The following KLHDC4 variants were observed in gnomAD, a reference collection of about 807,000 sequenced individuals.
KLHDC4 encodes kelch domain containing 4.
Under a neutral mutation model 62.4 loss-of-function variants are expected in KLHDC4, and 90 were observed. The ratio of observed to expected loss-of-function variants is 1.44; its 90% CI spans 1.22 to 1.72. The LOEUF (loss-of-function observed/expected upper bound fraction) is 1.72, where lower values mean the gene tolerates loss of function less well. Among genes scored for constraint, KLHDC4 ranks in the 40% most tolerant of loss-of-function variants. The pLI, the probability that KLHDC4 is intolerant of heterozygous loss-of-function variation, is 0.00. For missense variants in KLHDC4, 1,025 were observed against 699.7 expected (o/e 1.47, Z -5.25); for synonymous variants, 386 against 284.4 (o/e 1.36, Z -3.59).
intron 2 of KLHDC4, among the ~76,000 whole-genome samples, chr16:87,758,591 A>G (rs1383785873): frequency 6.6e-6 from 1 of 152,168 alleles, no homozygotes; most frequent in East Asian, 1.9e-4. Flanking sequence ...CACTTCTCCC[A>G]TCTTTTGGCT....
intron 4 of KLHDC4, among the ~76,000 whole-genome samples, chr16:87,753,191 G>A (rs1025249118): frequency 3.3e-5 from 5 of 152,324 alleles, no homozygotes; most frequent in South Asian, 2.1e-4. Flanking sequence ...AAATCTGCAC[G>A]GGGGCGTCCC....
intron 6 of KLHDC4, 70 bp from the exon 7 acceptor site, chr16:87,726,994 G>A (rs2039482822): frequency 2.6e-6 from 4 of 1,518,756 alleles, no homozygotes; most frequent in East Asian, 2.3e-5. Context: ...AAACTGAACT[G>A]ATTTAAATTA....
intron 8 of KLHDC4, among the ~76,000 whole-genome samples, chr16:87,714,096 G>A (rs764586688): frequency 1.3e-5 from 2 of 152,224 alleles, no homozygotes; most frequent in Non-Finnish European, 2.9e-5. Context: ...AGCGAGGCCC[G>A]TCACCACAGT....
chr16:87,746,505 C>G (rs1209924206), intron 5 of KLHDC4, among the ~76,000 whole-genome samples: 4 of 152,200 alleles, frequency 2.6e-5, no homozygotes, highest in African/African-American at 9.6e-5. Context: ...TCCACACGAC[C>G]TTCCAGGACC....
At chr16:87,724,411 C>T (rs1446961122) in intron 7 of KLHDC4, among the ~76,000 whole-genome samples, 2 of 152,124 alleles carry the variant, frequency 1.3e-5, no homozygotes, top group Non-Finnish European at 2.9e-5. Flanking sequence ...TCAACAAACA[C>T]TTCGGAAGGT....
chr16:87,707,071 T>C (rs980502220), downstream of KLHDC4, among the ~76,000 whole-genome samples: 30 of 152,222 alleles, frequency 2.0e-4, no homozygotes, highest in African/African-American at 7.0e-4. Context: ...ATATTCCCAC[T>C]GTTCAAAATA....
At chr16:87,722,328 G>C (rs1597485777) in intron 7 of KLHDC4, among the ~76,000 whole-genome samples, 1 of 152,224 alleles carries the variant, frequency 6.6e-6, no homozygotes, top group East Asian at 1.9e-4. Flanking sequence ...CATCTCCTGA[G>C]GGAGCCTGGG....
At chr16:87,728,587 T>C (rs146668441) in intron 6 of KLHDC4, among the ~76,000 whole-genome samples, 9 of 152,360 alleles carry the variant, frequency 5.9e-5, no homozygotes, top group African/African-American at 2.2e-4. Context: ...AGGAAGGGGC[T>C]GTACAATCTC....
chr16:87,719,668 A>C (rs952042395), intron 7 of KLHDC4, among the ~76,000 whole-genome samples: 1 of 148,482 alleles, frequency 6.7e-6, no homozygotes, highest in African/African-American at 2.5e-5. Flanking sequence ...ATCAATAAAT[A>C]CTAAAAAAAA....
downstream of KLHDC4, among the ~76,000 whole-genome samples, chr16:87,703,660 G>A (rs141772365): frequency 6.6e-6 from 1 of 152,352 alleles, no homozygotes; most frequent in Non-Finnish European, 1.5e-5. Flanking sequence ...TGGGTGGGCT[G>A]CAGCCAGTGG....
rs1368093407 is a variant in KLHDC4, at chr16:87,748,653, C to T, written c.506+20G>A. 6.2e-7 allele frequency: 1 copy of T among 1,613,552 alleles called. No homozygotes were observed. The highest frequency in any genetic ancestry group is 1.1e-5 in the South Asian group (1 of 91,022). On this transcript the variant is annotated intron_variant, in intron 5 of 11. Coordinates refer to ENST00000270583, the MANE Select transcript of KLHDC4 (RefSeq NM_017566.4). ...CAGAAGAGCCATGCCCGGAGCTCAG[C>T]TTCTCATCTGGCTTCTTACTTGACT...
chr16:87,727,436 G>T (rs1201252375), intron 6 of KLHDC4, among the ~76,000 whole-genome samples: 1 of 152,216 alleles, frequency 6.6e-6, no homozygotes, highest in Non-Finnish European at 1.5e-5. Flanking sequence ...CTGGCAGCAA[G>T]GGTGGTAAGG....
intron 5 of KLHDC4, among the ~76,000 whole-genome samples, chr16:87,744,536 T>C (rs1433326124): frequency 6.6e-6 from 1 of 151,442 alleles, no homozygotes; most frequent in African/African-American, 2.4e-5. Context: ...TGAACCAAGA[T>C]TGTGCTACTG....
At chr16:87,730,815 T>C (rs2040216433) in intron 5 of KLHDC4, 171 bp from the exon 6 acceptor site, 2 of 565,346 alleles carry the variant, frequency 3.5e-6, no homozygotes, top group South Asian at 4.1e-5. Context: ...AAAACCATCC[T>C]GCTAAGAGCC....
chr16:87,728,756 G>A (rs1207267933), intron 6 of KLHDC4, among the ~76,000 whole-genome samples: 4 of 151,932 alleles, frequency 2.6e-5, no homozygotes, highest in Admixed American at 1.3e-4. Flanking sequence ...CGAGGCATGT[G>A]GATCATGAGG....
chr16:87,726,757 C>A lies in KLHDC4; in HGVS notation c.759+8G>T, dbSNP rs374619327. 11 of 1,550,150 alleles carry A rather than the reference C, an allele frequency of 7.1e-6. No homozygotes were observed. Among genetic ancestry groups the A allele is most frequent in the African/African-American group, 4.2e-5 (3 of 71,178 alleles). Reference sequence around the variant, plus strand: ...ACGCCTTGCCTGTTTCCCCACCCCCCGCCTTACCTGTTTCGAGTAGCCCCC... The same window carrying A: ...ACGCCTTGCCTGTTTCCCCACCCCCAGCCTTACCTGTTTCGAGTAGCCCCC... On this transcript the variant is annotated splice_region_variant and intron_variant, in intron 7 of 11. Coordinates refer to ENST00000270583, the MANE Select transcript of KLHDC4 (RefSeq NM_017566.4).
At chr16:87,747,437 A>T (rs1403171091) in intron 5 of KLHDC4, 1 of 152,262 alleles carries the variant, frequency 6.6e-6, no homozygotes, top group East Asian at 1.9e-4. Context: ...TTCAAGATAT[A>T]CACAAAGAAA....
Position 87,747,044 on chromosome 16 carries a change from A to G in KLHDC4, c.506+1629T>C, listed in dbSNP as rs541796700. On this transcript the variant is annotated intron_variant, in intron 5 of 11. Coordinates refer to ENST00000270583, the MANE Select transcript of KLHDC4 (RefSeq NM_017566.4). ...CAAGAGAGGGGCCAGGGCCACTCCC[A>G]AAGTGACCAGGTACCCACAGTGCAT... Among the ~76,000 whole-genome samples the G allele has an allele frequency of 8.5e-5, 13 of 152,340 alleles. No individual in the cohort carries two copies. The South Asian group carries it at 2.7e-3, about 32-fold the overall frequency.
At chr16:87,700,829 G>GGTTGGAGGGCGGAGGGAGGAC in exon 1 of KLHDC4, 2 of 206,350 alleles carry the variant, frequency 9.7e-6, no homozygotes, top group Middle Eastern at 2.0e-3. Context: ...AGAGGGAGGA[G>GGTTGGAGGGCGGAGGGAGGAC]GTTGGAGGGC....
Sources: gnomAD v4.1 joint callset for allele counts (sites outside exome capture counted in the v4.1 genomes callset) on GRCh38, gnomAD v4.1.1 for gene constraint, MANE v1.5 for transcripts, NCBI Gene and HGNC (gene_info 2026-07-23, HGNC 2026-07-21) for gene names.